Variants in MTNAP1 observed in about 807,000 individuals in gnomAD.
MTNAP1 encodes the protein mitochondrial nucleoid associated protein 1.
the MTNAP1 span, chr17:73,236,279 C>T: frequency 3.2e-5 from 51 of 1,613,818 alleles, no homozygotes; most frequent in Non-Finnish European, 3.9e-5. Context: ...ACTGATGTTA[C>T]AGTTACTGAG....
At chr17:73,235,411 C>T in the MTNAP1 span, 3 of 1,327,526 alleles carry the variant, frequency 2.3e-6, no homozygotes, top group Non-Finnish European at 3.1e-6. Context: ...AGATACAACA[C>T]ATAAGTAAAA....
chr17:73,242,755 T>A, the MTNAP1 span: 2 of 637,468 alleles, frequency 3.1e-6, no homozygotes, highest in Admixed American at 3.1e-5. Flanking sequence ...GATGTTAGCC[T>A]TTATGTGTTT....
the MTNAP1 span, chr17:73,243,077 ATTTT>A: frequency 1.5e-3 from 666 of 437,280 alleles, no homozygotes; most frequent in Middle Eastern, 2.7e-3. Context: ...GATTCTCTGA[ATTTT>A]TTTTTTTTTT....
At chr17:73,242,875 G>T in the MTNAP1 span, 1 of 1,597,540 alleles carries the variant, frequency 6.3e-7, no homozygotes, top group Non-Finnish European at 8.5e-7. Flanking sequence ...GTAACAACAA[G>T]CCGTGTTTCC....
At chr17:73,236,899 C>T in the MTNAP1 span, 1 of 1,614,026 alleles carries the variant, frequency 6.2e-7, no homozygotes, top group South Asian at 1.1e-5. Flanking sequence ...TCCTGGTTAC[C>T]TTGGACTAGG....
chr17:73,248,626 AC>A, the MTNAP1 span: 1 of 1,289,504 alleles, frequency 7.8e-7, no homozygotes, highest in Non-Finnish European at 1.1e-6. Context: ...GCATGGTGAC[AC>A]CCAGGCTACT....
chr17:73,239,722 T>C, the MTNAP1 span, among the ~76,000 whole-genome samples: 4 of 151,816 alleles, frequency 2.6e-5, no homozygotes, highest in Admixed American at 6.6e-5. Context: ...GGTTTTGCCA[T>C]GTTGGCCAGG....
At chr17:73,236,745 C>G in the MTNAP1 span, 1 of 1,614,034 alleles carries the variant, frequency 6.2e-7, no homozygotes, top group South Asian at 1.1e-5. Context: ...ATAGTCAGTT[C>G]CAAGCATCAC....
At chr17:73,237,832 C>T in the MTNAP1 span, among the ~76,000 whole-genome samples, 2 of 152,078 alleles carry the variant, frequency 1.3e-5, no homozygotes, top group East Asian at 1.9e-4. Flanking sequence ...CCAGGTAAGA[C>T]GGGCAGGCAA....
chr17:73,248,318 A>G, the MTNAP1 span: 1 of 620,654 alleles, frequency 1.6e-6, no homozygotes, highest in South Asian at 2.0e-5. Flanking sequence ...AGGCGGGGTA[A>G]CTACTCATCT....
chr17:73,235,614 C>G, the MTNAP1 span: 89 of 1,613,940 alleles, frequency 5.5e-5, no homozygotes, highest in Non-Finnish European at 7.4e-5. Flanking sequence ...TTTATCAGTC[C>G]AAGCCAGCTA....
chr17:73,242,925 A>G, the MTNAP1 span: 5 of 1,613,808 alleles, frequency 3.1e-6, no homozygotes, highest in Non-Finnish European at 4.2e-6. Context: ...CACCATAAGG[A>G]AGAGTGGATT....
the MTNAP1 span, chr17:73,236,959 C>G: frequency 6.2e-7 from 1 of 1,600,162 alleles, no homozygotes. Context: ...CCAGAAGCCA[C>G]AACTTATCAG....
the MTNAP1 span, chr17:73,245,157 T>G: frequency 6.2e-7 from 1 of 1,613,688 alleles, no homozygotes; most frequent in Admixed American, 1.7e-5. Context: ...TTTGTCTCTG[T>G]TTATCCAAAG....
chr17:73,233,942 G>T, the MTNAP1 span, among the ~76,000 whole-genome samples: 1 of 152,102 alleles, frequency 6.6e-6, no homozygotes, highest in African/African-American at 2.4e-5. Context: ...AAACAGTTTT[G>T]TTTTGAAGGA....
the MTNAP1 span, chr17:73,236,882 A>G: frequency 6.2e-7 from 1 of 1,613,952 alleles, no homozygotes; most frequent in Non-Finnish European, 8.5e-7. Flanking sequence ...TGGTTTCCAG[A>G]GCTCTATCCT....
chr17:73,242,936 C>T, the MTNAP1 span: 148 of 1,613,960 alleles, frequency 9.2e-5, no homozygotes, highest in South Asian at 9.2e-4. Flanking sequence ...AGAGTGGATT[C>T]GGTGGCATCA....
At chr17:73,236,802 T>G in the MTNAP1 span, 1 of 1,614,164 alleles carries the variant, frequency 6.2e-7, no homozygotes, top group South Asian at 1.1e-5. Context: ...GTCACACTCC[T>G]CAGAGCCCCT....
the MTNAP1 span, among the ~76,000 whole-genome samples, chr17:73,233,986 T>C: frequency 6.6e-6 from 1 of 152,242 alleles, no homozygotes. Flanking sequence ...GGTTGCTTTA[T>C]TGAATGGATT....
Sources: allele counts gnomAD v4.1 joint callset (sites outside exome capture counted in the v4.1 genomes callset), GRCh38; gene constraint gnomAD v4.1.1; transcripts MANE v1.5; gene names NCBI Gene and HGNC (gene_info 2026-07-23, HGNC 2026-07-21).